Variants in NF1 observed in about 807,000 individuals in gnomAD.
NF1 encodes the protein neurofibromin.
NF1 carries 122 observed loss-of-function variants against 325.7 expected under a neutral mutation model. The ratio of observed to expected loss-of-function variants is 0.37; its 90% CI spans 0.32 to 0.44. NF1 has a LOEUF of 0.44. Ranked by LOEUF, NF1 falls within the 20% of genes least tolerant of loss-of-function variation. The pLI is 1.00. For missense variants in NF1, 2,140 were observed against 3,415.4 expected (o/e 0.63, Z 9.31); for synonymous variants, 1,091 against 1,186.0 (o/e 0.92, Z 1.65).
intron 47 of NF1, among the ~76,000 whole-genome samples, chr17:31,342,386 T>G (rs1028870179): frequency 1.3e-5 from 2 of 152,128 alleles, no homozygotes; most frequent in Non-Finnish European, 2.9e-5. Flanking sequence ...TCACTTGAGG[T>G]TAGGAGTTCG....
chr17:31,358,621 A>G lies in NF1; in HGVS notation c.8112A>G (p.Gln2704=). The G allele has an allele frequency of 6.2e-7, 1 of 1,614,048 alleles. No homozygotes were observed. Among genetic ancestry groups the G allele is most frequent in the Non-Finnish European group, 8.5e-7 (1 of 1,179,932 alleles). The part of the protein sequence containing the change: ...SPPQYQTSYL[Q]SFGFNGLWRF... ...CACAATACCAAACATCTTACCTGCAAAGTAAATAAATGTATCTGGAGAAGG... is the reference window on the plus strand; with the variant it reads ...CACAATACCAAACATCTTACCTGCAGAGTAAATAAATGTATCTGGAGAAGG... The change falls in exon 55 of 58, where the codon CAA becomes CAG. Residue 2704 remains glutamine, a splice_region_variant and synonymous_variant. Transcript: ENST00000358273.
At chr17:31,329,161 G>A (rs567090919) in intron 38 of NF1, among the ~76,000 whole-genome samples, 2 of 152,184 alleles carry the variant, frequency 1.3e-5, no homozygotes, top group South Asian at 4.2e-4. Flanking sequence ...AACATAGTGA[G>A]ACTCTGACTA....
chr17:31,276,494 A>G lies in NF1; in HGVS notation c.4835+11155A>G, dbSNP rs76037735. 3.7e-4 allele frequency among the ~76,000 whole-genome samples: 56 copies of G among 152,300 alleles called. 1 individual carries two copies. The East Asian group carries it at 9.6e-3, about 26-fold the overall frequency. ...TCCCTTGTCTGTAATCTGAAACCCCAAATCCTCCAAAAACCTTAAGTTTTA... is the reference window on the plus strand; with the variant it reads ...TCCCTTGTCTGTAATCTGAAACCCCGAATCCTCCAAAAACCTTAAGTTTTA... On this transcript the variant is annotated intron_variant, in intron 36 of 57. Transcript: ENST00000358273.
rs200240170 is a variant in NF1 at position 31,230,380 on chromosome 17, T to C, written c.3111T>C (p.Phe1037=). The part of the protein sequence containing the change: ...DDLSFCQEMK[F]RNKMVEYLTD... ...TCTCATTTTGCCAAGAGATGAAATT[T>C]AGGTGAGTTCTCAAAAGAGCAATGT... The change falls in exon 23 of 58, where the codon TTT becomes TTC. Residue 1037 remains phenylalanine, a splice_region_variant and synonymous_variant. Transcript: ENST00000358273. The C allele has an allele frequency of 2.0e-5, 33 of 1,613,308 alleles. No individual in the cohort carries two copies. Among genetic ancestry groups the C allele is most frequent in the Non-Finnish European group, 2.7e-5 (32 of 1,179,542 alleles).
rs1028486172 is a variant in NF1 at position 31,109,891 on chromosome 17, G to A, written c.60+14522G>A. ...TCTGAACTTTTGTTTTAACTCTTCT[G>A]TTAATTTATCCATTGTGTGTAGTGT... On this transcript the variant is annotated intron_variant, in intron 1 of 57. Coordinates refer to ENST00000358273, the MANE Select transcript of NF1 (RefSeq NM_001042492.3). Among the ~76,000 whole-genome samples, 5 of 151,964 alleles carry A rather than the reference G, an allele frequency of 3.3e-5. No homozygotes were observed. In the East Asian group the frequency reaches 5.8e-4, roughly 18 times the overall value.
intron 1 of NF1, among the ~76,000 whole-genome samples, chr17:31,114,602 ATC>A (rs1227221798): frequency 6.6e-6 from 1 of 151,962 alleles, no homozygotes; most frequent in Non-Finnish European, 1.5e-5. Flanking sequence ...CACGCCTGTA[ATC>A]CCAGCACTCT....
rs750342324 is a variant in NF1, at chr17:31,356,491, A to G, written c.7647A>G (p.Ser2549=). 5 of 1,613,668 alleles carry G rather than the reference A, an allele frequency of 3.1e-6. No individual in the cohort carries two copies. The highest frequency in any genetic ancestry group is 2.7e-5 in the African/African-American group (2 of 74,922). The change falls in exon 52 of 58, where the codon TCA becomes TCG. Residue 2549 remains serine, a synonymous_variant. Transcript: ENST00000358273. ...GGAAAAGTTTTGATCACTTGATATC[A>G]GACACAAAGGCTCCTAAAAGGCAAG... The part of the protein sequence containing the change: ...GTRKSFDHLI[S]DTKAPKRQEM...
At chr17:31,227,409 T>C (rs1461022098) in intron 19 of NF1, 114 bp from the exon 20 acceptor site, 2 of 1,415,874 alleles carry the variant, frequency 1.4e-6, no homozygotes, top group African/African-American at 1.4e-5. Context: ...ACGTGCATAT[T>C]ACAAGTATAA....
At chr17:31,122,282 G>T (rs1914497918) in intron 1 of NF1, among the ~76,000 whole-genome samples, 1 of 152,160 alleles carries the variant, frequency 6.6e-6, no homozygotes, top group African/African-American at 2.4e-5. Flanking sequence ...GGATGATAGG[G>T]GTAAGGAGGA....
chr17:31,172,417 A>G (rs533750421), intron 5 of NF1, among the ~76,000 whole-genome samples: 10 of 152,026 alleles, frequency 6.6e-5, no homozygotes, highest in Admixed American at 1.3e-4. Flanking sequence ...AGATATATCA[A>G]TCGATATGTG....
chr17:31,227,151 A>G (rs2067028802), intron 18 of NF1, 67 bp from the exon 19 acceptor site: 1 of 1,510,178 alleles, frequency 6.6e-7, no homozygotes, highest in Non-Finnish European at 9.2e-7. Context: ...GGTGGAGCTT[A>G]TCAGGTTCTC....
chr17:31,213,813 G>A (rs2143954120), intron 12 of NF1, among the ~76,000 whole-genome samples: 1 of 152,220 alleles, frequency 6.6e-6, no homozygotes, highest in African/African-American at 2.4e-5. Flanking sequence ...TAAAAGAGGT[G>A]GAGTGCCGTC....
intron 36 of NF1, chr17:31,318,704 G>T: frequency 2.5e-6 from 4 of 1,614,088 alleles, no homozygotes; most frequent in South Asian, 1.1e-5. Flanking sequence ...ACTGTTGAAG[G>T]ACTGTTGCTG....
intron 36 of NF1, among the ~76,000 whole-genome samples, chr17:31,306,639 T>C (rs1335520861): frequency 6.6e-6 from 1 of 152,078 alleles, no homozygotes; most frequent in Admixed American, 6.6e-5. Context: ...TTTAAAGAAT[T>C]TCATTCAACT....
intron 12 of NF1, among the ~76,000 whole-genome samples, chr17:31,212,412 A>T (rs879218614): frequency 6.6e-6 from 1 of 152,222 alleles, no homozygotes; most frequent in Admixed American, 6.5e-5. Flanking sequence ...TAACAATACA[A>T]AGTATACTAT....
At chr17:31,265,201 C>T (rs2151469896) in intron 35 of NF1, 28 bp from the exon 36 acceptor site, 1 of 1,477,742 alleles carries the variant, frequency 6.8e-7, no homozygotes, top group South Asian at 1.1e-5. Context: ...CATAAAGCCT[C>T]ATAATTACTC....
chr17:31,165,405 C>T (rs1124918), intron 4 of NF1, among the ~76,000 whole-genome samples: 85,242 of 151,946 alleles, frequency 0.56, 26,653 homozygotes, highest in Middle Eastern at 0.76. Flanking sequence ...GCTGATCTTA[C>T]TGAAGGATCA....
chr17:31,328,038 A>G (rs2069392546), intron 38 of NF1, among the ~76,000 whole-genome samples, 199 bp downstream of exon 38: 1 of 152,232 alleles, frequency 6.6e-6, no homozygotes, highest in African/African-American at 2.4e-5. Context: ...ATTCACACTA[A>G]ACCAATATAT....
chr17:31,149,668 G>A (rs1916802176), intron 1 of NF1, among the ~76,000 whole-genome samples: 1 of 152,158 alleles, frequency 6.6e-6, no homozygotes, highest in African/African-American at 2.4e-5. Flanking sequence ...TATCTGGAAT[G>A]GGGAATTGGA....
Sources: allele counts gnomAD v4.1 joint callset (sites outside exome capture counted in the v4.1 genomes callset), GRCh38; gene constraint gnomAD v4.1.1; transcripts MANE v1.5; gene names NCBI Gene and HGNC (gene_info 2026-07-23, HGNC 2026-07-21).